The following RANBP2 variants were observed in gnomAD, a reference collection of about 807,000 sequenced individuals.
The protein encoded by RANBP2 is RAN binding protein 2, also known as E3 SUMO-protein ligase RanBP2.
A neutral mutation model predicts 303.6 loss-of-function variants in RANBP2; 57 were observed. The ratio of observed to expected loss-of-function variants is 0.19; its 90% CI spans 0.15 to 0.23. The LOEUF is 0.23. Ranked by LOEUF, RANBP2 falls within the 10% of genes least tolerant of loss-of-function variation. The probability of loss-of-function intolerance (pLI) is 1.00; values close to 1 mark genes in which losing one functional copy is unlikely to be tolerated. For missense variants in RANBP2, 3,138 were observed against 3,780.8 expected (o/e 0.83, Z 4.46); for synonymous variants, 1,167 against 1,301.5 (o/e 0.90, Z 2.23).
At chr2:109,565,785 C>G in the RANBP2 span, 4 of 1,614,032 alleles carry the variant, frequency 2.5e-6, no homozygotes, top group East Asian at 6.7e-5. Flanking sequence ...CCCAAGGGTA[C>G]TGGCGAGCTT....
the RANBP2 span, among the ~76,000 whole-genome samples, chr2:109,247,543 C>A: frequency 6.6e-6 from 1 of 152,218 alleles, no homozygotes; most frequent in African/African-American, 2.4e-5. Context: ...GTCCAGCCTG[C>A]TGTGCTCTTC....
chr2:108,877,101 A>G, the RANBP2 span, among the ~76,000 whole-genome samples: 4 of 152,340 alleles, frequency 2.6e-5, no homozygotes, highest in East Asian at 7.7e-4. Context: ...AAAATGTGCC[A>G]TTTTTGAAGT....
At chr2:109,228,082 C>A in the RANBP2 span, among the ~76,000 whole-genome samples, 1 of 152,244 alleles carries the variant, frequency 6.6e-6, no homozygotes, top group East Asian at 1.9e-4. Context: ...TGGTTTGGTA[C>A]TTTTACTCTC....
chr2:109,017,763 A>G, the RANBP2 span, among the ~76,000 whole-genome samples: 1 of 152,168 alleles, frequency 6.6e-6, no homozygotes, highest in Non-Finnish European at 1.5e-5. Context: ...CAGCATATTA[A>G]TGATGCATTC....
chr2:109,575,002 A>G, the RANBP2 span, among the ~76,000 whole-genome samples: 2 of 152,244 alleles, frequency 1.3e-5, no homozygotes, highest in Non-Finnish European at 1.5e-5. Context: ...TAAGTTGAAA[A>G]TATTAGCTGA....
chr2:109,687,326 T>C, the RANBP2 span, among the ~76,000 whole-genome samples: 1 of 152,216 alleles, frequency 6.6e-6, no homozygotes, highest in African/African-American at 2.4e-5. Flanking sequence ...ATCCTTTTGA[T>C]AGTCCCCATT....
the RANBP2 span, chr2:108,846,969 C>T: frequency 8.9e-7 from 1 of 1,121,940 alleles, no homozygotes; most frequent in African/African-American, 1.6e-5. Context: ...TTTTGAGAAA[C>T]AATAGAGAAT....
chr2:109,083,691 T>C, the RANBP2 span, among the ~76,000 whole-genome samples: 3 of 152,164 alleles, frequency 2.0e-5, no homozygotes, highest in Non-Finnish European at 4.4e-5. Flanking sequence ...CTGGATCATA[T>C]GGTGATTCTA....
chr2:109,206,036 C>T, the RANBP2 span, among the ~76,000 whole-genome samples: 1 of 152,236 alleles, frequency 6.6e-6, no homozygotes, highest in Non-Finnish European at 1.5e-5. Context: ...TGAACTGTCA[C>T]TTGTACCCTG....
At chr2:109,257,109 C>T in the RANBP2 span, among the ~76,000 whole-genome samples, 1 of 152,176 alleles carries the variant, frequency 6.6e-6, no homozygotes, top group Admixed American at 6.5e-5. Flanking sequence ...AGCCCGAAAG[C>T]CACTGAATCC....
the RANBP2 span, among the ~76,000 whole-genome samples, chr2:108,864,493 C>T: frequency 6.6e-6 from 1 of 151,388 alleles, no homozygotes; most frequent in Non-Finnish European, 1.5e-5. Context: ...TAAGGCCCAT[C>T]TCTACAAAAA....
chr2:109,699,102 C>A, the RANBP2 span, among the ~76,000 whole-genome samples: 1 of 152,138 alleles, frequency 6.6e-6, no homozygotes, highest in Non-Finnish European at 1.5e-5. Context: ...GGTTGTGAAG[C>A]CTGCTTACCT....
At chr2:109,259,513 G>A in the RANBP2 span, among the ~76,000 whole-genome samples, 1 of 152,212 alleles carries the variant, frequency 6.6e-6, no homozygotes, top group Non-Finnish European at 1.5e-5. Flanking sequence ...TGCAAAGTCA[G>A]GACTCTCCGG....
chr2:108,893,901 G>C, the RANBP2 span, among the ~76,000 whole-genome samples: 4 of 152,104 alleles, frequency 2.6e-5, no homozygotes, highest in Middle Eastern at 3.4e-3. Flanking sequence ...TCAAAAACAC[G>C]CATAGTTTAC....
At chr2:109,299,624 A>T in the RANBP2 span, among the ~76,000 whole-genome samples, 2 of 152,134 alleles carry the variant, frequency 1.3e-5, no homozygotes, top group Non-Finnish European at 2.9e-5. Context: ...GCTCACAGGA[A>T]ACCTTGAATT....
chr2:109,419,544 C>T, the RANBP2 span: 1 of 1,594,188 alleles, frequency 6.3e-7, no homozygotes. Context: ...TCCAGGATGT[C>T]TCCTCCTCGG....
chr2:109,246,529 T>G, the RANBP2 span, among the ~76,000 whole-genome samples: 1 of 152,250 alleles, frequency 6.6e-6, no homozygotes, highest in Non-Finnish European at 1.5e-5. Context: ...TTCAGTCCAT[T>G]GCATACTCCA....
At chr2:109,449,518 G>A in the RANBP2 span, 5 of 1,607,014 alleles carry the variant, frequency 3.1e-6, no homozygotes, top group South Asian at 1.1e-5. Flanking sequence ...ACGAGCCCTG[G>A]GCTCGAGGCC....
chr2:109,246,854 G>C, the RANBP2 span, among the ~76,000 whole-genome samples: 1 of 152,170 alleles, frequency 6.6e-6, no homozygotes, highest in Non-Finnish European at 1.5e-5. Flanking sequence ...GCGATGCTGG[G>C]GGTGTCTTCC....
Sources: allele counts gnomAD v4.1 joint callset (sites outside exome capture counted in the v4.1 genomes callset), GRCh38; gene constraint gnomAD v4.1.1; transcripts MANE v1.5; gene names NCBI Gene and HGNC (gene_info 2026-07-23, HGNC 2026-07-21).